Variants in CD99L2 observed in about 807,000 individuals in gnomAD.
CD99L2 encodes CD99 antigen-like protein 2.
A neutral mutation model predicts 27.3 loss-of-function variants in CD99L2; 24 were observed. That is an observed-to-expected ratio of 0.88 (90% CI 0.64 to 1.24). The LOEUF (loss-of-function observed/expected upper bound fraction) is 1.24. Among genes scored for constraint, CD99L2 ranks in the 50% most tolerant of loss-of-function variants. The probability of loss-of-function intolerance (pLI) is 0.00; values close to 1 mark genes in which losing one functional copy is unlikely to be tolerated. For missense variants in CD99L2, 255 were observed against 221.6 expected (o/e 1.15, Z -0.96); for synonymous variants, 97 against 87.9 (o/e 1.10, Z -0.58).
intron 1 of CD99L2, among the ~76,000 whole-genome samples, chrX:150,845,128 T>A (rs1265652514): frequency 1.8e-5 from 2 of 111,949 alleles, no homozygotes; most frequent in Non-Finnish European, 3.8e-5. Flanking sequence ...GAAACGTAAA[T>A]GTCTACAACG....
intron 1 of CD99L2, among the ~76,000 whole-genome samples, chrX:150,890,175 TAAATAAATA>T (rs1241994914): frequency 9.6e-6 from 1 of 103,981 alleles, no homozygotes; most frequent in Non-Finnish European, 2.0e-5. Flanking sequence ...AATAAATAAA[TAAATAAATA>T]AACTTGCTTT....
intron 1 of CD99L2, among the ~76,000 whole-genome samples, chrX:150,861,775 G>A (rs1289063527): frequency 9.2e-6 from 1 of 109,139 alleles, no homozygotes; most frequent in African/African-American, 3.3e-5. Context: ...GCGTAGTGGC[G>A]GGCGCCTGTA....
At chrX:150,877,576 C>T (rs1252115936) in intron 1 of CD99L2, among the ~76,000 whole-genome samples, 1 of 112,012 alleles carries the variant, frequency 8.9e-6, no homozygotes, top group Non-Finnish European at 1.9e-5. Flanking sequence ...AAGCCCAGCA[C>T]TTTGAAAGAC....
chrX:150,861,141 C>CAAAA lies in CD99L2; in HGVS notation c.68-29852_68-29849dup, dbSNP rs782255590. Among the ~76,000 whole-genome samples the CAAAA allele has an allele frequency of 5.6e-4, 23 of 40,913 alleles. 1 individual carries two copies. Among genetic ancestry groups the CAAAA allele is most frequent in the African/African-American group, 1.1e-3 (12 of 11,367 alleles). 35.5% of individuals were successfully genotyped at this position (40,913 alleles called of 115,157 possible). On this transcript the variant is annotated intron_variant, in intron 1 of 10. Transcript: ENST00000370377. ...TGGGTGACAGAGTGAGACTCTGTCT[C>CAAAA]AAAAAAAAAAAAAAAAAAGAGTATC...
intron 4 of CD99L2, among the ~76,000 whole-genome samples, chrX:150,806,119 T>C (rs1361356840): frequency 8.9e-6 from 1 of 112,596 alleles, no homozygotes; most frequent in Non-Finnish European, 1.9e-5. Context: ...TCTTATACTA[T>C]AGTTTTGCAG....
intron 7 of CD99L2, among the ~76,000 whole-genome samples, chrX:150,786,521 A>G (rs1435798359): frequency 9.0e-6 from 1 of 111,418 alleles, no homozygotes; most frequent in African/African-American, 3.3e-5. Context: ...AATGGCCTCC[A>G]GCTCCATCTA....
intron 1 of CD99L2, among the ~76,000 whole-genome samples, chrX:150,869,324 C>T (rs2047118840): frequency 8.9e-6 from 1 of 111,753 alleles, no homozygotes; most frequent in Non-Finnish European, 1.9e-5. Context: ...ACAACTCCTT[C>T]CCCTCACCAC....
intron 6 of CD99L2, among the ~76,000 whole-genome samples, chrX:150,794,445 G>A (rs1366787737): frequency 8.9e-6 from 1 of 112,050 alleles, no homozygotes; most frequent in Non-Finnish European, 1.9e-5. Context: ...AATGGGTGTT[G>A]CCTTAACTCA....
chrX:150,783,290 T>C lies in CD99L2; in HGVS notation c.497-5808A>G, dbSNP rs532888098. Among the ~76,000 whole-genome samples, 5 of 111,275 alleles carry C rather than the reference T, an allele frequency of 4.5e-5. No homozygotes were observed. The South Asian group carries it at 1.9e-3, about 43-fold the overall frequency. On this transcript the variant is annotated intron_variant, in intron 7 of 10. Transcript: ENST00000370377. ...ACGTTCTGCACATGTATCCCAGAACTTAAAGTATATCTCTCTCTCTATATA... is the reference window on the plus strand; with the variant it reads ...ACGTTCTGCACATGTATCCCAGAACCTAAAGTATATCTCTCTCTCTATATA...
At chrX:150,824,115 AAGAAGGAAGG>A (rs1257471923) in intron 2 of CD99L2, among the ~76,000 whole-genome samples, 11 of 64,840 alleles carry the variant, frequency 1.7e-4, no homozygotes, top group Non-Finnish European at 2.3e-4. Context: ...AGGAAGAAGG[AAGAAGGAAGG>A]AGGAGGAGGA....
intron 1 of CD99L2, among the ~76,000 whole-genome samples, chrX:150,889,881 G>A (rs893801550): frequency 1.3e-4 from 15 of 112,213 alleles, no homozygotes; most frequent in East Asian, 5.6e-4. Flanking sequence ...AGCCGGGCGC[G>A]GTGGCTCACG....
chrX:150,869,484 C>T (rs566398984), intron 1 of CD99L2, among the ~76,000 whole-genome samples: 174 of 112,474 alleles, frequency 1.5e-3, no homozygotes, highest in Middle Eastern at 4.7e-3. Context: ...CACTTTGTTT[C>T]TATCTCATAT....
chrX:150,898,506 C>T lies in CD99L2; in HGVS notation c.67+16G>A, dbSNP rs1418453695. On this transcript the variant is annotated intron_variant, in intron 1 of 10. Coordinates refer to ENST00000370377, the MANE Select transcript of CD99L2 (RefSeq NM_031462.4). Reference sequence around the variant, plus strand: ...GGGTCCCCGCGCGGTCCCCGCGCGCCCCCCGCCCGCCTTACCTCGCTGGAC... The same window carrying T: ...GGGTCCCCGCGCGGTCCCCGCGCGCTCCCCGCCCGCCTTACCTCGCTGGAC... The T allele has an allele frequency of 2.7e-6, 3 of 1,098,359 alleles. No homozygotes were observed. Among genetic ancestry groups the T allele is most frequent in the Non-Finnish European group, 3.6e-6 (3 of 841,578 alleles). The allele number at this position is 1,098,359 out of a possible 1,213,427, so 90.5% of individuals were successfully genotyped here.
chrX:150,777,410 T>C (rs2043576751), intron 8 of CD99L2, 34 bp downstream of exon 8: 2 of 1,209,340 alleles, frequency 1.7e-6, no homozygotes, highest in Non-Finnish European at 2.2e-6. Context: ...TCCTTTCACA[T>C]GGCCAACAGG....
intron 1 of CD99L2, among the ~76,000 whole-genome samples, chrX:150,878,634 C>T (rs901834355): frequency 1.8e-5 from 2 of 110,541 alleles, no homozygotes; most frequent in Non-Finnish European, 3.8e-5. Flanking sequence ...GGAATCCCAA[C>T]GGACTTTTTT....
In CD99L2 at chrX:150,797,512, C is replaced by T. The variant is rs188143863; in HGVS notation, c.278-2026G>A. Among the ~76,000 whole-genome samples the T allele has an allele frequency of 3.5e-4, 39 of 112,370 alleles. 1 individual carries two copies. The East Asian group carries it at 0.011, about 31-fold the overall frequency. ...GGCAATGCATACTATCTAAAGCAAT[C>T]TACAGATTCAATGGAATCCCTACCA... On this transcript the variant is annotated intron_variant, in intron 4 of 10. Coordinates refer to ENST00000370377, the MANE Select transcript of CD99L2 (RefSeq NM_031462.4).
chrX:150,893,755 G>A lies in CD99L2; in HGVS notation c.67+4767C>T, dbSNP rs1372750424. On this transcript the variant is annotated intron_variant, in intron 1 of 10. Coordinates refer to ENST00000370377, the MANE Select transcript of CD99L2 (RefSeq NM_031462.4). Reference sequence around the variant, plus strand: ...TTTTGAGACAGAGTCTCGCTCTGTCGCCCAGACTGGAGTGCAGTGGCATGA... The same window carrying A: ...TTTTGAGACAGAGTCTCGCTCTGTCACCCAGACTGGAGTGCAGTGGCATGA... Among the ~76,000 whole-genome samples, 5 of 109,492 alleles carry A rather than the reference G, an allele frequency of 4.6e-5. No homozygotes were observed. In the East Asian group the frequency reaches 1.2e-3, roughly 25 times the overall value.
At chrX:150,824,212 G>C (rs1250960376) in intron 2 of CD99L2, among the ~76,000 whole-genome samples, 1 of 65,519 alleles carries the variant, frequency 1.5e-5, no homozygotes, top group Admixed American at 1.9e-4. Flanking sequence ...AGGAGGAAGA[G>C]GAGGAGGAAG....
chrX:150,890,855 G>GC (rs1299260383), intron 1 of CD99L2, among the ~76,000 whole-genome samples: 1 of 113,257 alleles, frequency 8.8e-6, no homozygotes, highest in Non-Finnish European at 1.9e-5. Context: ...ACAGCCAGTG[G>GC]CCCCCACTGC....
Sources: allele counts gnomAD v4.1 joint callset (sites outside exome capture counted in the v4.1 genomes callset), GRCh38; gene constraint gnomAD v4.1.1; transcripts MANE v1.5; gene names NCBI Gene and HGNC (gene_info 2026-07-23, HGNC 2026-07-21).